Variants in IRAK2 observed in about 807,000 individuals in gnomAD.
IRAK2 encodes the protein interleukin 1 receptor associated kinase 2.
Under a neutral mutation model 72.0 loss-of-function variants are expected in IRAK2, and 57 were observed. The ratio of observed to expected loss-of-function variants is 0.79; its 90% confidence interval spans 0.64 to 0.99. The LOEUF is 0.99. IRAK2 is among the 50% of genes least tolerant of loss of function. The pLI is 0.00. For missense variants in IRAK2, 790 were observed against 794.4 expected (o/e 0.99, Z 0.07); for synonymous variants, 293 against 312.7 (o/e 0.94, Z 0.67).
At chr3:10,200,709 C>T (rs1368887737) in intron 3 of IRAK2, among the ~76,000 whole-genome samples, 194 bp downstream of exon 3, 1 of 152,164 alleles carries the variant, frequency 6.6e-6, no homozygotes, top group Non-Finnish European at 1.5e-5. Flanking sequence ...CCAGCCTAGG[C>T]AACCTGGTGA....
At chr3:10,226,948 A>G (rs1365299640) in intron 10 of IRAK2, among the ~76,000 whole-genome samples, 3 of 78,400 alleles carry the variant, frequency 3.8e-5, no homozygotes, top group Admixed American at 1.4e-4. Context: ...TCCATCTCAA[A>G]AAAAAAAAAA....
At chr3:10,234,866 G>C (rs964296977) in intron 11 of IRAK2, among the ~76,000 whole-genome samples, 1 of 152,230 alleles carries the variant, frequency 6.6e-6, no homozygotes, top group African/African-American at 2.4e-5. Context: ...GCCTCAGGGC[G>C]CAGGACCAAA....
At chr3:10,181,435 C>A (rs1008968990) in intron 2 of IRAK2, among the ~76,000 whole-genome samples, 2 of 152,040 alleles carry the variant, frequency 1.3e-5, no homozygotes, top group African/African-American at 4.8e-5. Flanking sequence ...CATGGTGAAA[C>A]CCTGTTTCTA....
At chr3:10,241,698 C>T (rs1460601037) in intron 12 of IRAK2, among the ~76,000 whole-genome samples, 1 of 149,956 alleles carries the variant, frequency 6.7e-6, no homozygotes, top group African/African-American at 2.5e-5. Flanking sequence ...CTCAGGAGTT[C>T]AAGCCTAGTC....
rs1242721603 is a variant in IRAK2 at position 10,178,038 on chromosome 3, C to T, written c.277+18C>T. 6.3e-6 allele frequency: 10 copies of T among 1,582,560 alleles called. No individual in the cohort carries two copies. In the South Asian group the frequency reaches 1.0e-4, roughly 16 times the overall value. On this transcript the variant is annotated intron_variant, in intron 2 of 12. Transcript: ENST00000256458. Reference sequence around the variant, plus strand: ...CCTGAACTGTGAGTAACTCAGGGCCCTCCTTGAGTGGGGCCCATCACGCTC... The same window carrying T: ...CCTGAACTGTGAGTAACTCAGGGCCTTCCTTGAGTGGGGCCCATCACGCTC...
chr3:10,176,405 A>T (rs563123984), intron 1 of IRAK2, among the ~76,000 whole-genome samples: 1 of 151,924 alleles, frequency 6.6e-6, no homozygotes, highest in South Asian at 2.1e-4. Context: ...GGCTCAAGTG[A>T]TCCTCCCATC....
chr3:10,165,555 G>A (rs921614474), intron 1 of IRAK2, among the ~76,000 whole-genome samples: 2 of 151,944 alleles, frequency 1.3e-5, no homozygotes, highest in Admixed American at 6.6e-5. Context: ...GAGTGCAATG[G>A]CACGGTCTCG....
At position 10,200,056 on chromosome 3, in the gene IRAK2, T is replaced by G. The variant is rs1697331994; in HGVS notation, c.278-313T>G. On this transcript the variant is annotated intron_variant, in intron 2 of 12. Coordinates refer to ENST00000256458, the MANE Select transcript of IRAK2 (RefSeq NM_001570.4). ...CCGTGTGCCACCATGCCCAACTAAT[T>G]TTTGTATTTTTAGTAGAGATGGGGT... Among the ~76,000 whole-genome samples, 7 of 151,774 alleles carry G rather than the reference T, an allele frequency of 4.6e-5. No homozygotes were observed. The South Asian group carries it at 1.5e-3, about 32-fold the overall frequency.
At chr3:10,166,088 C>T (rs1231409677) in intron 1 of IRAK2, among the ~76,000 whole-genome samples, 1 of 152,212 alleles carries the variant, frequency 6.6e-6, no homozygotes, top group African/African-American at 2.4e-5. Flanking sequence ...GCTGGGATTA[C>T]AGGCGTGAGC....
At chr3:10,219,350 G>T (rs919636073) in intron 7 of IRAK2, among the ~76,000 whole-genome samples, 1 of 150,856 alleles carries the variant, frequency 6.6e-6, no homozygotes, top group East Asian at 1.9e-4. Context: ...ATGGAGTCTC[G>T]CTCTGTCACC....
intron 2 of IRAK2, 50 bp from the exon 3 acceptor site, chr3:10,200,319 C>G (rs986199352): frequency 3.3e-6 from 5 of 1,500,170 alleles, no homozygotes; most frequent in Non-Finnish European, 2.7e-6. Context: ...CTCTCAATGG[C>G]TACCCCACTT....
At chr3:10,180,867 G>A (rs999924645) in intron 2 of IRAK2, among the ~76,000 whole-genome samples, 1 of 152,064 alleles carries the variant, frequency 6.6e-6, no homozygotes, top group East Asian at 1.9e-4. Flanking sequence ...CACCAGTCAC[G>A]GGGAGGCCAG....
chr3:10,168,364 C>T (rs968283851), intron 1 of IRAK2, among the ~76,000 whole-genome samples: 1 of 151,990 alleles, frequency 6.6e-6, no homozygotes, highest in Non-Finnish European at 1.5e-5. Context: ...GCATGCACCA[C>T]CGTGCCTGAC....
At chr3:10,214,298 G>C (rs996994799) in intron 6 of IRAK2, among the ~76,000 whole-genome samples, 1 of 151,314 alleles carries the variant, frequency 6.6e-6, no homozygotes, top group Non-Finnish European at 1.5e-5. Flanking sequence ...AATGATTGTA[G>C]ATCACTGCAG....
At chr3:10,196,410 C>T (rs1450617751) in intron 2 of IRAK2, among the ~76,000 whole-genome samples, 6 of 152,220 alleles carry the variant, frequency 3.9e-5, no homozygotes, top group South Asian at 4.1e-4. Flanking sequence ...CCACTGTGCC[C>T]GGCCTAGGGA....
intron 2 of IRAK2, among the ~76,000 whole-genome samples, chr3:10,179,685 T>A (rs1185786992): frequency 6.6e-6 from 1 of 152,116 alleles, no homozygotes; most frequent in Admixed American, 6.6e-5. Flanking sequence ...CCACCTGCCT[T>A]GGCCTTCCAA....
intron 4 of IRAK2, 98 bp from the exon 5 acceptor site, chr3:10,213,109 C>A: frequency 2.1e-6 from 2 of 974,878 alleles, no homozygotes; most frequent in Non-Finnish European, 3.1e-6. Flanking sequence ...TAAGTTGATC[C>A]CCTCCATCCC....
intron 10 of IRAK2, among the ~76,000 whole-genome samples, chr3:10,228,953 G>C (rs1340045456): frequency 2.0e-5 from 3 of 150,212 alleles, no homozygotes; most frequent in Non-Finnish European, 3.0e-5. Flanking sequence ...TTTTTTTCGA[G>C]ACAGAGTCTC....
intron 2 of IRAK2, among the ~76,000 whole-genome samples, chr3:10,178,832 G>A (rs1398661948): frequency 2.0e-5 from 3 of 152,106 alleles, no homozygotes; most frequent in East Asian, 3.9e-4. Flanking sequence ...AGACAGGGTC[G>A]TGCTCTGCTG....
Sources: gnomAD v4.1 joint callset for allele counts (sites outside exome capture counted in the v4.1 genomes callset) on GRCh38, gnomAD v4.1.1 for gene constraint, MANE v1.5 for transcripts, NCBI Gene and HGNC (gene_info 2026-07-23, HGNC 2026-07-21) for gene names.